PTPRD: variants seen among roughly 807,000 people sequenced by gnomAD.
PTPRD encodes the protein protein tyrosine phosphatase receptor type D, also known as receptor-type tyrosine-protein phosphatase delta.
PTPRD carries 34 observed loss-of-function variants against 214.5 expected under a neutral mutation model. That is an observed-to-expected ratio of 0.16 (90% CI 0.12 to 0.21). The LOEUF (loss-of-function observed/expected upper bound fraction) is 0.21, where lower values mean the gene tolerates loss of function less well. Among genes scored for constraint, PTPRD ranks in the 10% least tolerant of loss-of-function variants. The pLI is 1.00. For missense variants in PTPRD, 2,545 were observed against 2,398.7 expected (o/e 1.06, Z -1.27); for synonymous variants, 1,128 against 845.7 (o/e 1.33, Z -5.79).
chr9:10,552,989 T>C (rs1312352055), intron 2 of PTPRD, among the ~76,000 whole-genome samples: 1 of 152,138 alleles, frequency 6.6e-6, no homozygotes, highest in African/African-American at 2.4e-5. Flanking sequence ...TGTCCTAGGG[T>C]AGATTTATTT....
chr9:9,519,663 T>C (rs1014230568), intron 8 of PTPRD, among the ~76,000 whole-genome samples: 10 of 151,856 alleles, frequency 6.6e-5, no homozygotes, highest in African/African-American at 2.4e-4. Flanking sequence ...GCAAAATAAC[T>C]ACAAATATAA....
intron 8 of PTPRD, among the ~76,000 whole-genome samples, chr9:9,567,140 G>A (rs2084809642): frequency 6.6e-6 from 1 of 152,018 alleles, no homozygotes; most frequent in African/African-American, 2.4e-5. Flanking sequence ...CATAAGGAGT[G>A]TGGCATTTGA....
At chr9:9,830,923 G>A (rs796215049) in intron 5 of PTPRD, among the ~76,000 whole-genome samples, 1 of 151,606 alleles carries the variant, frequency 6.6e-6, no homozygotes. Flanking sequence ...AAAATGTATT[G>A]TAGGTATCAG....
At chr9:8,504,482 C>A (rs1444871111) in intron 22 of PTPRD, 77 bp from the exon 23 acceptor site, 19 of 1,491,210 alleles carry the variant, frequency 1.3e-5, no homozygotes, top group Non-Finnish European at 1.8e-5. Context: ...TCTGGACCAT[C>A]AGATTTCTAT....
In PTPRD at chr9:9,694,425, G is replaced by A. The variant is rs1175014737; in HGVS notation, c.-287+40108C>T. 2.6e-5 allele frequency among the ~76,000 whole-genome samples: 4 copies of A among 151,870 alleles called. 1 individual carries two copies. Among genetic ancestry groups the A allele is most frequent in the African/African-American group, 9.7e-5 (4 of 41,324 alleles). ...CCAAACATATGGAGTCTCTCTCTCT[G>A]TAGTGAGCCACCTGGAATGGGCAGG... On this transcript the variant is annotated intron_variant, in intron 7 of 45. Coordinates refer to ENST00000381196, the MANE Select transcript of PTPRD (RefSeq NM_002839.4).
intron 31 of PTPRD, among the ~76,000 whole-genome samples, chr9:8,470,507 A>G (rs941263070): frequency 1.3e-5 from 2 of 152,152 alleles, no homozygotes; most frequent in Non-Finnish European, 1.5e-5. Context: ...AACCTACAGA[A>G]TATAGAACAA....
chr9:10,160,559 A>C (rs1248922913), intron 3 of PTPRD, among the ~76,000 whole-genome samples: 1 of 151,966 alleles, frequency 6.6e-6, no homozygotes, highest in Non-Finnish European at 1.5e-5. Flanking sequence ...CAAAAACTGG[A>C]TATAGAAAAA....
chr9:9,713,983 G>T (rs761053762), intron 7 of PTPRD, among the ~76,000 whole-genome samples: 2 of 150,748 alleles, frequency 1.3e-5, no homozygotes, highest in Middle Eastern at 3.2e-3. Context: ...CAGCAAGCTG[G>T]TTTTTATCTC....
chr9:9,603,630 A>G (rs1004996776), intron 7 of PTPRD, among the ~76,000 whole-genome samples: 1 of 151,748 alleles, frequency 6.6e-6, no homozygotes, highest in African/African-American at 2.4e-5. Flanking sequence ...TGAACAGTGC[A>G]TGTGTGAGGG....
chr9:9,996,003 T>A (rs902710063), intron 4 of PTPRD, among the ~76,000 whole-genome samples: 1 of 152,186 alleles, frequency 6.6e-6, no homozygotes, highest in Non-Finnish European at 1.5e-5. Context: ...TACTGTACCA[T>A]AATATTTTGC....
chr9:8,704,795 C>G (rs543526979), intron 12 of PTPRD, among the ~76,000 whole-genome samples: 1 of 150,836 alleles, frequency 6.6e-6, no homozygotes, highest in South Asian at 2.1e-4. Context: ...GTGGTGTGTG[C>G]ACCTGTAATC....
chr9:9,075,578 A>T (rs1180322040), intron 10 of PTPRD, among the ~76,000 whole-genome samples: 1 of 151,642 alleles, frequency 6.6e-6, no homozygotes, highest in Non-Finnish European at 1.5e-5. Context: ...ACCCCACAAC[A>T]GGCCCTGATG....
intron 10 of PTPRD, among the ~76,000 whole-genome samples, chr9:9,154,472 A>C (rs137873196): frequency 6.6e-6 from 1 of 152,120 alleles, no homozygotes; most frequent in African/African-American, 2.4e-5. Flanking sequence ...AGAGAGAGAG[A>C]GCAAGTGCTA....
chr9:8,647,006 T>G (rs1283241579), intron 12 of PTPRD, among the ~76,000 whole-genome samples: 1 of 152,212 alleles, frequency 6.6e-6, no homozygotes, highest in Non-Finnish European at 1.5e-5. Flanking sequence ...GAATACAAAG[T>G]CTATGTGACA....
intron 3 of PTPRD, among the ~76,000 whole-genome samples, chr9:10,236,872 C>T (rs576902721): frequency 6.6e-6 from 1 of 151,560 alleles, no homozygotes; most frequent in South Asian, 2.1e-4. Context: ...TATAACTGAC[C>T]ATTAACCTGT....
At position 8,730,036 on chromosome 9, in the gene PTPRD, C is replaced by T. The variant is rs564568835; in HGVS notation, c.64+3744G>A. ...CTTTGGGAGGCCAAGATGGGTGGATCACGAGGTGAGGAGATCAAGACCATC... is the reference window on the plus strand; with the variant it reads ...CTTTGGGAGGCCAAGATGGGTGGATTACGAGGTGAGGAGATCAAGACCATC... On this transcript the variant is annotated intron_variant, in intron 12 of 45. Transcript: ENST00000381196. 3.3e-5 allele frequency among the ~76,000 whole-genome samples: 5 copies of T among 152,178 alleles called. No individual in the cohort carries two copies. In the East Asian group the frequency reaches 9.7e-4, roughly 29 times the overall value.
intron 11 of PTPRD, among the ~76,000 whole-genome samples, chr9:8,928,985 CTCTG>C (rs1386313614): frequency 3.3e-5 from 5 of 152,050 alleles, no homozygotes; most frequent in Admixed American, 2.6e-4. Flanking sequence ...TGATTTGACT[CTCTG>C]TCTATTATTG....
At chr9:10,385,789 T>C (rs1199458650) in intron 2 of PTPRD, among the ~76,000 whole-genome samples, 1 of 151,836 alleles carries the variant, frequency 6.6e-6, no homozygotes, top group Non-Finnish European at 1.5e-5. Context: ...GAAATGAACA[T>C]TATGAGATTC....
chr9:10,288,989 A>G (rs2095447372), intron 3 of PTPRD, among the ~76,000 whole-genome samples: 1 of 151,876 alleles, frequency 6.6e-6, no homozygotes, highest in Admixed American at 6.6e-5. Flanking sequence ...AACCAAGACA[A>G]AGCTCCCTAA....
Sources: gnomAD v4.1 joint callset for allele counts (sites outside exome capture counted in the v4.1 genomes callset) on GRCh38, gnomAD v4.1.1 for gene constraint, MANE v1.5 for transcripts, NCBI Gene and HGNC (gene_info 2026-07-23, HGNC 2026-07-21) for gene names.